RIT2: variants seen among roughly 807,000 people sequenced by gnomAD.
The protein encoded by RIT2 is Ras like without CAAX 2, also known as GTP-binding protein Rit2.
Under a neutral mutation model 23.7 loss-of-function variants are expected in RIT2, and 24 were observed. The ratio of observed to expected loss-of-function variants is 1.01; its 90% CI spans 0.73 to 1.43. RIT2 has a LOEUF of 1.43. Ranked by LOEUF, RIT2 falls within the 40% of genes most tolerant of loss-of-function variation. The pLI is 0.00. For synonymous variants in RIT2, 107 were observed against 91.1 expected, an observed-to-expected ratio of 1.17 and a Z score of -0.99; for missense variants, 236 against 266.9, an observed-to-expected ratio of 0.88 and a Z score of 0.81.
At chr18:42,751,690 T>C (rs1474015292) in intron 4 of RIT2, among the ~76,000 whole-genome samples, 1 of 152,022 alleles carries the variant, frequency 6.6e-6, no homozygotes, top group Non-Finnish European at 1.5e-5. Context: ...AAGCATAAAA[T>C]GTAGTTTCAC....
At chr18:43,058,445 T>C (rs1010821550) in intron 1 of RIT2, among the ~76,000 whole-genome samples, 7 of 152,102 alleles carry the variant, frequency 4.6e-5, no homozygotes, top group African/African-American at 1.4e-4. Flanking sequence ...TAGATTCTAA[T>C]TGGAAGACAT....
chr18:42,870,223 C>T (rs1465181944), intron 4 of RIT2, among the ~76,000 whole-genome samples: 2 of 152,122 alleles, frequency 1.3e-5, no homozygotes, highest in Non-Finnish European at 2.9e-5. Flanking sequence ...AGAACTCTTC[C>T]TAATACTAGA....
In RIT2 at chr18:43,043,159, T is replaced by G. The variant is rs189978725; in HGVS notation, c.104-9292A>C. Among the ~76,000 whole-genome samples, 6 of 152,284 alleles carry G rather than the reference T, an allele frequency of 3.9e-5. No individual in the cohort carries two copies. In the East Asian group the frequency reaches 1.2e-3, roughly 29 times the overall value. On this transcript the variant is annotated intron_variant, in intron 1 of 4. Coordinates refer to ENST00000326695, the MANE Select transcript of RIT2 (RefSeq NM_002930.4). ...TTTAGGATAATATTTTATATATCAATTTAAAAGTATTTAAGTTTGATTTAT... is the reference window on the plus strand; with the variant it reads ...TTTAGGATAATATTTTATATATCAAGTTAAAAGTATTTAAGTTTGATTTAT...
At chr18:42,923,081 A>G (rs922620987) in intron 4 of RIT2, among the ~76,000 whole-genome samples, 2 of 152,118 alleles carry the variant, frequency 1.3e-5, no homozygotes, top group Non-Finnish European at 2.9e-5. Flanking sequence ...TGGCTATGTT[A>G]TGAGGTTACA....
chr18:42,999,841 ACTT>A (rs1476473329), intron 2 of RIT2, among the ~76,000 whole-genome samples: 34 of 152,206 alleles, frequency 2.2e-4, no homozygotes, highest in African/African-American at 8.2e-4. Context: ...GACCTCTTTG[ACTT>A]CTTATTTCTT....
chr18:43,004,213 G>A lies in RIT2; in HGVS notation c.160+29598C>T, dbSNP rs547587842. On this transcript the variant is annotated intron_variant, in intron 2 of 4. Coordinates refer to ENST00000326695, the MANE Select transcript of RIT2 (RefSeq NM_002930.4). ...TGAGAGTGGGGACCCTAATGAATAAGGTCTGTACTAAATGTATTTAATTAT... is the reference window on the plus strand; with the variant it reads ...TGAGAGTGGGGACCCTAATGAATAAAGTCTGTACTAAATGTATTTAATTAT... Among the ~76,000 whole-genome samples the A allele has an allele frequency of 6.6e-5, 10 of 151,672 alleles. No individual in the cohort carries two copies. The East Asian group carries it at 1.8e-3, about 27-fold the overall frequency.
chr18:42,794,655 G>A (rs1039329171), intron 4 of RIT2, among the ~76,000 whole-genome samples: 9 of 152,152 alleles, frequency 5.9e-5, no homozygotes, highest in African/African-American at 2.2e-4. Flanking sequence ...ATGGATGTCT[G>A]TGCAAACAGC....
chr18:42,908,727 A>C (rs1265029042), intron 4 of RIT2, among the ~76,000 whole-genome samples: 1 of 152,106 alleles, frequency 6.6e-6, no homozygotes, highest in Non-Finnish European at 1.5e-5. Context: ...GTTGAAGGGA[A>C]ATTGAGAGAA....
intron 4 of RIT2, among the ~76,000 whole-genome samples, chr18:42,895,890 A>G (rs1432818192): frequency 2.6e-5 from 4 of 152,194 alleles, no homozygotes; most frequent in Non-Finnish European, 5.9e-5. Context: ...CATCAAACTG[A>G]TAACAGTGGT....
rs77016610 is a variant in RIT2 at position 42,916,099 on chromosome 18, G to C, written c.426+7473C>G. 1.1e-4 allele frequency among the ~76,000 whole-genome samples: 16 copies of C among 151,974 alleles called. No individual in the cohort carries two copies. In the East Asian group the frequency reaches 3.1e-3, roughly 29 times the overall value. On this transcript the variant is annotated intron_variant, in intron 4 of 4. Transcript: ENST00000326695. ...TCTAACTTTAGCATACTATACTCTAGAATCACCCAGCTAATTTGTTAAAAT... is the reference window on the plus strand; with the variant it reads ...TCTAACTTTAGCATACTATACTCTACAATCACCCAGCTAATTTGTTAAAAT...
chr18:43,055,545 A>G (rs1292644703), intron 1 of RIT2, among the ~76,000 whole-genome samples: 1 of 152,172 alleles, frequency 6.6e-6, no homozygotes, highest in Non-Finnish European at 1.5e-5. Context: ...ATTAAATAAA[A>G]TATATTCATC....
At position 42,773,811 on chromosome 18, in the gene RIT2, A is replaced by C. The variant is rs181963610; in HGVS notation, c.427-30091T>G. 4.0e-4 allele frequency among the ~76,000 whole-genome samples: 61 copies of C among 152,298 alleles called. No individual in the cohort carries two copies. In the East Asian group the frequency reaches 0.011, roughly 28 times the overall value. The stretch of plus-strand genomic sequence containing the variant: ...TAATAATTGATCAGAGAGATGACAG[A>C]AGAGTTGGCATTAACTAGATATACC... On this transcript the variant is annotated intron_variant, in intron 4 of 4. Transcript: ENST00000326695.
intron 1 of RIT2, among the ~76,000 whole-genome samples, chr18:43,044,025 G>A (rs1912190376): frequency 6.6e-6 from 1 of 152,096 alleles, no homozygotes; most frequent in African/African-American, 2.4e-5. Context: ...CACCTAGGCA[G>A]CCAAGCTGCT....
At chr18:42,819,177 A>G (rs1351830567) in intron 4 of RIT2, among the ~76,000 whole-genome samples, 1 of 152,066 alleles carries the variant, frequency 6.6e-6, no homozygotes, top group African/African-American at 2.4e-5. Context: ...AAGATGTTAC[A>G]GTTGAAATTG....
chr18:42,755,797 T>C (rs960159641), intron 4 of RIT2, among the ~76,000 whole-genome samples: 5 of 152,038 alleles, frequency 3.3e-5, no homozygotes, highest in Non-Finnish European at 5.9e-5. Context: ...TTTAGACAAA[T>C]AGACAAATTA....
chr18:43,025,701 T>C (rs1265444802), intron 2 of RIT2, among the ~76,000 whole-genome samples: 1 of 152,078 alleles, frequency 6.6e-6, no homozygotes, highest in Non-Finnish European at 1.5e-5. Flanking sequence ...TGGATGAAAC[T>C]AGAGGCAATT....
intron 4 of RIT2, among the ~76,000 whole-genome samples, chr18:42,782,168 C>A (rs535061874): frequency 6.6e-6 from 1 of 152,200 alleles, no homozygotes; most frequent in East Asian, 1.9e-4. Flanking sequence ...AGCTATTTAA[C>A]CATCCATTCA....
At chr18:43,050,136 C>T (rs926800197) in intron 1 of RIT2, among the ~76,000 whole-genome samples, 3 of 151,346 alleles carry the variant, frequency 2.0e-5, no homozygotes, top group Non-Finnish European at 2.9e-5. Context: ...AAGTGATTCT[C>T]CCACCTCAGC....
intron 4 of RIT2, among the ~76,000 whole-genome samples, chr18:42,804,885 G>C (rs4322749): frequency 6.6e-6 from 1 of 152,184 alleles, no homozygotes; most frequent in Non-Finnish European, 1.5e-5. Flanking sequence ...GCACACATGA[G>C]ATAGTGCGCA....
Sources: gnomAD v4.1 joint callset for allele counts (sites outside exome capture counted in the v4.1 genomes callset) on GRCh38, gnomAD v4.1.1 for gene constraint, MANE v1.5 for transcripts, NCBI Gene and HGNC (gene_info 2026-07-23, HGNC 2026-07-21) for gene names.